Variants in CDKL4 observed in about 807,000 individuals in gnomAD.
CDKL4 encodes cyclin-dependent kinase-like 4.
Under a neutral mutation model 42.0 loss-of-function variants are expected in CDKL4, and 44 were observed. That is an observed-to-expected ratio of 1.05 (90% CI 0.82 to 1.35). The LOEUF is 1.35. CDKL4 is among the 40% of genes most tolerant of loss of function. The pLI is 0.00. For synonymous variants in CDKL4, 120 were observed against 121.6 expected (o/e 0.99, Z 0.09); for missense variants, 393 against 369.9 (o/e 1.06, Z -0.51).
At chr2:39,222,379 T>G (rs2148375320) in intron 3 of CDKL4, among the ~76,000 whole-genome samples, 1 of 152,036 alleles carries the variant, frequency 6.6e-6, no homozygotes, top group East Asian at 1.9e-4. Flanking sequence ...CACCTGAGGT[T>G]AGGAGTTCGA....
chr2:39,234,603 T>C (rs1679259700), intron 1 of CDKL4, among the ~76,000 whole-genome samples: 2 of 152,138 alleles, frequency 1.3e-5, no homozygotes, highest in Non-Finnish European at 2.9e-5. Flanking sequence ...TTATATCTAT[T>C]GAAAAGGCCC....
chr2:39,230,943 C>T (rs920244625), intron 1 of CDKL4, among the ~76,000 whole-genome samples: 1 of 152,198 alleles, frequency 6.6e-6, no homozygotes, highest in Non-Finnish European at 1.5e-5. Context: ...GGCATAGTGG[C>T]TCACACTTGT....
At chr2:39,215,110 A>G (rs745846159) in intron 3 of CDKL4, among the ~76,000 whole-genome samples, 1 of 152,120 alleles carries the variant, frequency 6.6e-6, no homozygotes, top group Non-Finnish European at 1.5e-5. Context: ...CCCACCAAAC[A>G]TCTGTGCATC....
intron 9 of CDKL4, 105 bp from the exon 10 acceptor site, chr2:39,176,201 G>T: frequency 2.9e-6 from 1 of 343,338 alleles, no homozygotes; most frequent in South Asian, 2.5e-5. Flanking sequence ...ATGGTACAAA[G>T]ATGTCAAAAG....
intron 5 of CDKL4, among the ~76,000 whole-genome samples, chr2:39,203,040 A>G (rs2148330869): frequency 6.6e-6 from 1 of 152,300 alleles, no homozygotes; most frequent in Admixed American, 6.5e-5. Context: ...CACCATTCAG[A>G]CTTCTGGATG....
At chr2:39,229,990 G>C (rs1678996814) in intron 1 of CDKL4, among the ~76,000 whole-genome samples, 1 of 152,208 alleles carries the variant, frequency 6.6e-6, no homozygotes, top group South Asian at 2.1e-4. Context: ...ACAATGACTA[G>C]GAGGAGTTGT....
chr2:39,224,997 TATTAC>T (rs1431844317), intron 3 of CDKL4, among the ~76,000 whole-genome samples: 1 of 152,220 alleles, frequency 6.6e-6, no homozygotes, highest in Non-Finnish European at 1.5e-5. Context: ...TTGTTTTTCT[TATTAC>T]ATTACATTGG....
intron 1 of CDKL4, 104 bp from the exon 2 acceptor site, chr2:39,229,692 A>C: frequency 2.1e-6 from 1 of 472,804 alleles, no homozygotes; most frequent in East Asian, 3.4e-5. Flanking sequence ...ATATTCATCA[A>C]TTAATTGGAA....
downstream of CDKL4, among the ~76,000 whole-genome samples, chr2:39,171,303 A>C (rs1347778098): frequency 6.6e-6 from 1 of 152,118 alleles, no homozygotes; most frequent in Non-Finnish European, 1.5e-5. Context: ...AAGTGCAATG[A>C]AGAACTGTGA....
chr2:39,179,942 T>C (rs879755725), intron 8 of CDKL4, among the ~76,000 whole-genome samples: 1 of 152,182 alleles, frequency 6.6e-6, no homozygotes, highest in African/African-American at 2.4e-5. Context: ...CCCTTCTATA[T>C]TTGAGACCAT....
intron 4 of CDKL4, 148 bp from the exon 5 acceptor site, chr2:39,204,765 A>G (rs1183059324): frequency 6.7e-6 from 3 of 445,098 alleles, no homozygotes; most frequent in East Asian, 7.1e-5. Flanking sequence ...TTAAATTGGC[A>G]ATTTTTCACT....
At chr2:39,241,290 TAAAC>T (rs1333565121) in intron 1 of CDKL4, among the ~76,000 whole-genome samples, 2 of 152,140 alleles carry the variant, frequency 1.3e-5, no homozygotes, top group Non-Finnish European at 2.9e-5. Flanking sequence ...AAGAAAACGA[TAAAC>T]AACATAAAAA....
intron 1 of CDKL4, among the ~76,000 whole-genome samples, chr2:39,243,325 A>G (rs1033802374): frequency 1.3e-5 from 2 of 152,196 alleles, no homozygotes; most frequent in African/African-American, 2.4e-5. Context: ...TTTTATCAAC[A>G]TAACAGTGAA....
Position 39,180,756 on chromosome 2 carries a change from C to T in CDKL4, c.793-1435G>A, listed in dbSNP as rs111926921. The stretch of plus-strand genomic sequence containing the variant: ...CCCAGGCTGGAATGCAGTAGCGCCA[C>T]CTCGGCTCACTGCAAACTCCACCTC... On this transcript the variant is annotated intron_variant, in intron 8 of 9. Coordinates refer to ENST00000451199, the Ensembl canonical transcript of CDKL4. Among the ~76,000 whole-genome samples, 1,060 of 150,660 alleles carry T rather than the reference C, an allele frequency of 7.0e-3. 12 individuals are homozygous for T. Among genetic ancestry groups the T allele is most frequent in the African/African-American group, 0.025 (1,015 of 40,918 alleles).
chr2:39,199,098 T>C (rs965648407), intron 5 of CDKL4, among the ~76,000 whole-genome samples: 4 of 151,938 alleles, frequency 2.6e-5, no homozygotes, highest in African/African-American at 9.7e-5. Flanking sequence ...TTAGCAAGAT[T>C]AACCAATAAA....
intron 3 of CDKL4, among the ~76,000 whole-genome samples, chr2:39,222,010 T>A (rs1460461046): frequency 6.6e-6 from 1 of 152,240 alleles, no homozygotes; most frequent in African/African-American, 2.4e-5. Flanking sequence ...TGTATCATTA[T>A]AACTGTATCC....
chr2:39,201,720 T>C (rs1307241095), intron 5 of CDKL4, among the ~76,000 whole-genome samples: 1 of 152,210 alleles, frequency 6.6e-6, no homozygotes, highest in Non-Finnish European at 1.5e-5. Context: ...CTAACCATTA[T>C]TCCTGAAATA....
At chr2:39,219,434 T>TATTTATTG (rs1553390823) in intron 3 of CDKL4, among the ~76,000 whole-genome samples, 1 of 142,864 alleles carries the variant, frequency 7.0e-6, no homozygotes, top group Admixed American at 7.2e-5. Context: ...TTTATTTATT[T>TATTTATTG]TTTTGAGACA....
chr2:39,174,316 C>G (rs1042882577), downstream of CDKL4, among the ~76,000 whole-genome samples: 1 of 150,862 alleles, frequency 6.6e-6, no homozygotes, highest in Non-Finnish European at 1.5e-5. Flanking sequence ...GGGTGGATCA[C>G]TTTAGCTGGG....
Sources: gnomAD v4.1 joint callset for allele counts (sites outside exome capture counted in the v4.1 genomes callset) on GRCh38, gnomAD v4.1.1 for gene constraint, MANE v1.5 for transcripts, NCBI Gene and HGNC (gene_info 2026-07-23, HGNC 2026-07-21) for gene names.